The following AGPS variants were observed in gnomAD, a reference collection of about 807,000 sequenced individuals.
AGPS encodes the protein alkyldihydroxyacetonephosphate synthase, peroxisomal.
Under a neutral mutation model 90.7 loss-of-function variants are expected in AGPS, and 26 were observed. The observed-to-expected ratio is 0.29, with a 90% CI of 0.21 to 0.40. The LOEUF is 0.40. Ranked by LOEUF, AGPS falls within the 10% of genes least tolerant of loss-of-function variation. The pLI, the probability that AGPS is intolerant of heterozygous loss-of-function variation, is 1.00. For missense variants in AGPS, 540 were observed against 816.1 expected (o/e 0.66, Z 4.12); for synonymous variants, 294 against 285.3 (o/e 1.03, Z -0.31).
intron 12 of AGPS, among the ~76,000 whole-genome samples, chr2:177,495,683 G>T (rs1192440556): frequency 2.0e-5 from 3 of 151,412 alleles, no homozygotes; most frequent in African/African-American, 7.3e-5. Flanking sequence ...CAAGGCAGGC[G>T]GATCACCTGA....
chr2:177,414,312 T>A (rs999330365), intron 1 of AGPS, among the ~76,000 whole-genome samples: 7 of 152,104 alleles, frequency 4.6e-5, no homozygotes, highest in African/African-American at 1.7e-4. Flanking sequence ...GCTCAAGGGA[T>A]CCTTCTGCCT....
chr2:177,465,042 C>T (rs1410123148), intron 9 of AGPS, among the ~76,000 whole-genome samples: 2 of 152,186 alleles, frequency 1.3e-5, no homozygotes, highest in Non-Finnish European at 2.9e-5. Context: ...TGGTAGTTCA[C>T]ACCTGTAATC....
At chr2:177,402,582 G>C (rs75750814) in intron 1 of AGPS, among the ~76,000 whole-genome samples, 25,845 of 151,954 alleles carry the variant, frequency 0.17, 2,437 homozygotes, top group East Asian at 0.35. Flanking sequence ...TTTTACTTTT[G>C]AGAACTGGGG....
intron 2 of AGPS, among the ~76,000 whole-genome samples, chr2:177,420,898 T>C (rs1173287744): frequency 2.0e-5 from 3 of 151,976 alleles, no homozygotes; most frequent in Non-Finnish European, 4.4e-5. Context: ...GCTTCTGAGA[T>C]AAATTAGGAA....
chr2:177,488,369 C>T (rs547433576), intron 11 of AGPS, among the ~76,000 whole-genome samples: 3 of 152,100 alleles, frequency 2.0e-5, no homozygotes, highest in African/African-American at 7.2e-5. Flanking sequence ...CCCGCCACCA[C>T]GCCCTGCTAA....
intron 11 of AGPS, among the ~76,000 whole-genome samples, chr2:177,485,347 C>G (rs1295114663): frequency 6.6e-6 from 1 of 152,120 alleles, no homozygotes; most frequent in African/African-American, 2.4e-5. Context: ...AAGTGATGTA[C>G]AAATGTATCA....
At position 177,539,305 on chromosome 2, in the gene AGPS, G is replaced by A. The variant is rs535204367; in HGVS notation, c.*1110G>A. ...TGGTTTAACCTAATTTTTTTTAAAT[G>A]TAATGTATTAATGCATATACCATAA... is the stretch of plus-strand genomic sequence containing the variant. On this transcript the variant is annotated 3_prime_UTR_variant, in exon 20 of 20. Transcript: ENST00000264167. 193 of 151,906 alleles carry A rather than the reference G, an allele frequency of 1.3e-3. No homozygotes were observed. Among genetic ancestry groups the A allele is most frequent in the African/African-American group, 4.6e-3 (192 of 41,464 alleles). 9.4% of individuals were successfully genotyped at this position (151,906 alleles called of 1,614,324 possible).
intron 19 of AGPS, among the ~76,000 whole-genome samples, chr2:177,527,459 A>G (rs183402517): frequency 1.8e-3 from 277 of 152,230 alleles, no homozygotes; most frequent in South Asian, 8.9e-3. Context: ...TAAATATTAT[A>G]CATTACTATT....
At chr2:177,454,198 G>C (rs1206264785) in intron 8 of AGPS, among the ~76,000 whole-genome samples, 1 of 151,140 alleles carries the variant, frequency 6.6e-6, no homozygotes. Context: ...TGACCTTTAG[G>C]GACTCTATTT....
Position 177,442,443 on chromosome 2 carries a change from C to A in AGPS, c.746C>A (p.Ala249Glu). 6.2e-7 allele frequency: 1 copy of A among 1,613,732 alleles called. No homozygotes were observed. Among genetic ancestry groups the A allele is most frequent in the Middle Eastern group, 1.7e-4 (1 of 6,048 alleles). Residue 249 changes from alanine to glutamate, a missense_variant, in exon 7 of 20, where the codon GCA becomes GAA. Around this residue, in one of 2 missense-constraint regions of AGPS, gnomAD observed 405 missense variants for 692.1 expected, o/e 0.59. Coordinates refer to ENST00000264167, the MANE Select transcript of AGPS (RefSeq NM_003659.4). ...TSVSYGLMCP[A>E]DETRTIISLD... The stretch of plus-strand genomic sequence containing the variant: ...GTTTCATATGGCCTGATGTGTCCTG[C>A]AGATGAGACAAGAACAATTATTTCT...
rs1688949414 is a variant in AGPS at position 177,513,825 on chromosome 2, A to G, written c.1614A>G (p.Val538=). Residue 538 remains valine, a synonymous_variant, in exon 17 of 20, where the codon GTA becomes GTG. Coordinates refer to ENST00000264167, the MANE Select transcript of AGPS (RefSeq NM_003659.4). ...FETSAPWDRV[V]DLCRNVKERI... ...TTCATTTATCTTTTTTTAGGGTGGTAGATCTCTGTAGAAATGTAAAAGAAA... is the reference window on the plus strand; with the variant it reads ...TTCATTTATCTTTTTTTAGGGTGGTGGATCTCTGTAGAAATGTAAAAGAAA... The G allele has an allele frequency of 1.2e-6, 2 of 1,608,948 alleles. No individual in the cohort carries two copies. The highest frequency in any genetic ancestry group is 2.7e-5 in the African/African-American group (2 of 74,670).
rs1199020891 is a variant in AGPS, at chr2:177,436,750, A to G, written c.442-14A>G. 5 of 1,610,000 alleles carry G rather than the reference A, an allele frequency of 3.1e-6. No homozygotes were observed. The Admixed American group carries it at 5.0e-5, about 16-fold the overall frequency. ...GTCTAAAAATAAGTCAAAGAAATCAATTTTATTTTCTAGGCATCCTTAAAT... is the reference window on the plus strand; with the variant it reads ...GTCTAAAAATAAGTCAAAGAAATCAGTTTTATTTTCTAGGCATCCTTAAAT... On this transcript the variant is annotated splice_polypyrimidine_tract_variant and intron_variant, in intron 3 of 19. Coordinates refer to ENST00000264167, the MANE Select transcript of AGPS (RefSeq NM_003659.4).
intron 11 of AGPS, among the ~76,000 whole-genome samples, chr2:177,490,572 T>C (rs997322246): frequency 6.6e-6 from 1 of 152,166 alleles, no homozygotes; most frequent in Non-Finnish European, 1.5e-5. Context: ...ATAGGAATAC[T>C]GGATAGCTAG....
chr2:177,518,785 G>T (rs1228740069), intron 17 of AGPS, among the ~76,000 whole-genome samples: 2 of 151,042 alleles, frequency 1.3e-5, no homozygotes, highest in African/African-American at 4.9e-5. Context: ...TTGTTGCTCA[G>T]ATTTTCCCAG....
chr2:177,528,151 A>C (rs2079106032), intron 19 of AGPS, among the ~76,000 whole-genome samples: 1 of 152,210 alleles, frequency 6.6e-6, no homozygotes, highest in Non-Finnish European at 1.5e-5. Flanking sequence ...AATTTAAAAG[A>C]CCATCTGTAT....
intron 10 of AGPS, among the ~76,000 whole-genome samples, chr2:177,472,428 T>C (rs1687654274): frequency 6.6e-6 from 1 of 152,168 alleles, no homozygotes; most frequent in Non-Finnish European, 1.5e-5. Flanking sequence ...TGTTGGTTTT[T>C]GTTTGTTTGT....
chr2:177,441,673 G>A (rs567349265), intron 6 of AGPS, among the ~76,000 whole-genome samples: 346 of 151,712 alleles, frequency 2.3e-3, no homozygotes, highest in Non-Finnish European at 4.3e-3. Flanking sequence ...ACTTTCACAT[G>A]TTTTCTTTCA....
intron 14 of AGPS, among the ~76,000 whole-genome samples, chr2:177,502,395 A>G (rs1010621636): frequency 1.1e-4 from 16 of 144,762 alleles, no homozygotes; most frequent in Non-Finnish European, 1.3e-4. Flanking sequence ...TAGATTACTT[A>G]GAGCCATTTC....
At chr2:177,528,317 G>A (rs1337099587) in intron 19 of AGPS, among the ~76,000 whole-genome samples, 1 of 152,158 alleles carries the variant, frequency 6.6e-6, no homozygotes, top group Non-Finnish European at 1.5e-5. Context: ...AAAATCAATG[G>A]TTTCTTCTCA....
Sources: gnomAD v4.1 joint callset for allele counts (sites outside exome capture counted in the v4.1 genomes callset) on GRCh38, gnomAD v4.1.1 for gene constraint, gnomAD v4.1.1 regional missense constraint, MANE v1.5 for transcripts, NCBI Gene and HGNC (gene_info 2026-07-23, HGNC 2026-07-21) for gene names.